HELZ: variants seen among roughly 807,000 people sequenced by gnomAD.
HELZ encodes the protein ATP-dependent RNA helicase with zinc finger domain.
A neutral mutation model predicts 218.2 loss-of-function variants in HELZ; 23 were observed. That is an observed-to-expected ratio of 0.11 (90% CI 0.08 to 0.15). The LOEUF is 0.15. HELZ is among the 10% of genes least tolerant of loss of function. The probability of loss-of-function intolerance (pLI) is 1.00; values close to 1 mark genes in which losing one functional copy is unlikely to be tolerated. For missense variants in HELZ, 1,813 were observed against 2,353.7 expected (o/e 0.77, Z 4.75); for synonymous variants, 814 against 829.4 (o/e 0.98, Z 0.32).
intron 28 of HELZ, among the ~76,000 whole-genome samples, chr17:67,111,090 G>A (rs896391835): frequency 3.9e-5 from 6 of 152,194 alleles, no homozygotes; most frequent in Admixed American, 1.3e-4. Context: ...GACAGCATGG[G>A]AAGTTTTGTG....
chr17:67,122,282 A>C (rs1055444162), intron 26 of HELZ, among the ~76,000 whole-genome samples: 1 of 152,134 alleles, frequency 6.6e-6, no homozygotes, highest in African/African-American at 2.4e-5. Context: ...GCAGTGGCTC[A>C]CACCTGTAAT....
At chr17:67,224,674 C>T (rs934364784) in intron 3 of HELZ, 4 of 714,108 alleles carry the variant, frequency 5.6e-6, no homozygotes, top group African/African-American at 3.6e-5. Context: ...TATGATTCTT[C>T]TGTGTCTTAA....
At chr17:67,155,645 T>C (rs1443561389) in intron 17 of HELZ, among the ~76,000 whole-genome samples, 1 of 152,212 alleles carries the variant, frequency 6.6e-6, no homozygotes, top group Non-Finnish European at 1.5e-5. Flanking sequence ...GAGGCCAGCC[T>C]GGCCAACATG....
At chr17:67,156,966 C>T (rs2038861358) in intron 17 of HELZ, among the ~76,000 whole-genome samples, 1 of 152,104 alleles carries the variant, frequency 6.6e-6, no homozygotes, top group Non-Finnish European at 1.5e-5. Context: ...CTTGGGCCAT[C>T]CCCTTGATGA....
chr17:67,096,720 C>T (rs1350875028), intron 31 of HELZ, among the ~76,000 whole-genome samples: 1 of 152,210 alleles, frequency 6.6e-6, no homozygotes, highest in Non-Finnish European at 1.5e-5. Context: ...CTCTGGATTA[C>T]GCTTTGGCTT....
intron 12 of HELZ, among the ~76,000 whole-genome samples, chr17:67,184,929 T>C (rs981560986): frequency 2.0e-5 from 3 of 152,182 alleles, no homozygotes; most frequent in Admixed American, 6.6e-5. Context: ...TATATTATAA[T>C]TTATAATATT....
Position 67,074,979 on chromosome 17 carries a change from A to C in HELZ, c.*3273T>G, listed in dbSNP as rs2035981125. 1 of 152,184 alleles carries C rather than the reference A, an allele frequency of 6.6e-6. No individual in the cohort carries two copies. The highest frequency in any genetic ancestry group is 1.5e-5 in the Non-Finnish European group (1 of 67,994). The allele number at this position is 152,184 out of a possible 1,614,324, so 9.4% of individuals were successfully genotyped here. On this transcript the variant is annotated 3_prime_UTR_variant, in exon 33 of 33. Coordinates refer to ENST00000358691, the MANE Select transcript of HELZ (RefSeq NM_014877.4). ...AAGGTCATGTTAGTTTAAATGGTCA[A>C]TAATTAACTACTGATTAATCAAAAA...
intron 23 of HELZ, among the ~76,000 whole-genome samples, chr17:67,134,486 G>T (rs2038084428): frequency 6.6e-6 from 1 of 152,020 alleles, no homozygotes; most frequent in Admixed American, 6.6e-5. Context: ...TGTTACAACA[G>T]AATTGTTTAC....
At chr17:67,154,307 T>C (rs1472100859) in intron 17 of HELZ, among the ~76,000 whole-genome samples, 1 of 152,136 alleles carries the variant, frequency 6.6e-6, no homozygotes, top group Non-Finnish European at 1.5e-5. Flanking sequence ...AATGCACCTG[T>C]AGTCCCAGCT....
chr17:67,195,838 C>CTTTTTTTTTTTTTTTTTTTTTTT (rs66827855), intron 7 of HELZ, among the ~76,000 whole-genome samples: 11 of 101,542 alleles, frequency 1.1e-4, no homozygotes, highest in Non-Finnish European at 1.6e-4. Context: ...GTTTCTTTTC[C>CTTTTTTTTTTTTTTTTTTTTTTT]TTTTTTTTTT....
At position 67,150,995 on chromosome 17, in the gene HELZ, A is replaced by T. The variant is rs183409636; in HGVS notation, c.2356+51T>A. The T allele has an allele frequency of 9.6e-5, 148 of 1,533,870 alleles. No individual in the cohort carries two copies. The East Asian group carries it at 3.4e-3, about 35-fold the overall frequency. On this transcript the variant is annotated intron_variant, in intron 18 of 32. Transcript: ENST00000358691. ...CTGTAGTTTGCCAATCCCAGTCTAAACTGAATTCATAAGCCCTAAACTTGT... is the reference window on the plus strand; with the variant it reads ...CTGTAGTTTGCCAATCCCAGTCTAATCTGAATTCATAAGCCCTAAACTTGT...
chr17:67,180,658 G>A (rs965517555), intron 12 of HELZ, among the ~76,000 whole-genome samples: 2 of 152,046 alleles, frequency 1.3e-5, no homozygotes, highest in African/African-American at 4.8e-5. Flanking sequence ...CAGGTGGATT[G>A]TCTGAGCTCA....
chr17:67,242,428 GA>G (rs1306605812), intron 2 of HELZ, among the ~76,000 whole-genome samples: 20 of 125,290 alleles, frequency 1.6e-4, no homozygotes, highest in African/African-American at 4.2e-4. Flanking sequence ...AAAAAAAAAA[GA>G]AAAAAAATCT....
At chr17:67,088,358 T>C (rs1195209031) in intron 31 of HELZ, among the ~76,000 whole-genome samples, 2 of 152,152 alleles carry the variant, frequency 1.3e-5, no homozygotes, top group Non-Finnish European at 2.9e-5. Context: ...GGAGGCTGGA[T>C]TAAAAAGAAG....
intron 3 of HELZ, among the ~76,000 whole-genome samples, chr17:67,235,604 C>T (rs2041158477): frequency 6.6e-6 from 1 of 152,030 alleles, no homozygotes; most frequent in Non-Finnish European, 1.5e-5. Flanking sequence ...ATCACAAGAA[C>T]TTGAGAACCA....
chr17:67,153,923 A>G (rs1252979122), intron 17 of HELZ, among the ~76,000 whole-genome samples: 1 of 152,234 alleles, frequency 6.6e-6, no homozygotes, highest in Non-Finnish European at 1.5e-5. Context: ...AAAAAGTTTA[A>G]GAGCAAAATC....
At chr17:67,126,943 G>A (rs1476677730) in intron 24 of HELZ, among the ~76,000 whole-genome samples, 1 of 152,080 alleles carries the variant, frequency 6.6e-6, no homozygotes, top group Non-Finnish European at 1.5e-5. Context: ...CTCTTATACC[G>A]GGAGTCTTTT....
chr17:67,129,823 T>C (rs73343135), intron 23 of HELZ, among the ~76,000 whole-genome samples: 12,940 of 152,076 alleles, frequency 0.085, 1,793 homozygotes, highest in African/African-American at 0.29. Flanking sequence ...AAAGACAACA[T>C]ATAAAGTTTT....
chr17:67,159,939 A>C (rs1384690054), intron 17 of HELZ, among the ~76,000 whole-genome samples: 4 of 152,284 alleles, frequency 2.6e-5, no homozygotes, highest in Non-Finnish European at 5.9e-5. Flanking sequence ...TTTTTACTGA[A>C]CTAGATTTAA....
Sources: allele counts gnomAD v4.1 joint callset (sites outside exome capture counted in the v4.1 genomes callset), GRCh38; gene constraint gnomAD v4.1.1; transcripts MANE v1.5; gene names NCBI Gene and HGNC (gene_info 2026-07-23, HGNC 2026-07-21).